The following SEC24B variants were observed in gnomAD, a reference collection of about 807,000 sequenced individuals.
The protein encoded by SEC24B is SEC24 homolog B, COPII component.
A neutral mutation model predicts 142.8 loss-of-function variants in SEC24B; 45 were observed. The ratio of observed to expected loss-of-function variants is 0.32; its 90% CI spans 0.25 to 0.40. The LOEUF is 0.40. Among genes scored for constraint, SEC24B ranks in the 10% least tolerant of loss-of-function variants. The pLI, the probability that SEC24B is intolerant of heterozygous loss-of-function variation, is 1.00. For missense variants in SEC24B, 1,409 were observed against 1,526.8 expected (o/e 0.92, Z 1.29); for synonymous variants, 574 against 568.2 (o/e 1.01, Z -0.15).
chr4:109,530,786 C>CT (rs1380666220), intron 19 of SEC24B, among the ~76,000 whole-genome samples: 1 of 150,986 alleles, frequency 6.6e-6, no homozygotes, highest in Non-Finnish European at 1.5e-5. Flanking sequence ...ATCCCAGCTA[C>CT]TCTGGGGGCT....
chr4:109,497,998 T>G (rs568010421), intron 6 of SEC24B, among the ~76,000 whole-genome samples: 1 of 152,228 alleles, frequency 6.6e-6, no homozygotes, highest in Non-Finnish European at 1.5e-5. Context: ...TCCTTTCATT[T>G]TGTGAGGAAA....
chr4:109,458,298 A>G (rs1730909257), intron 1 of SEC24B, among the ~76,000 whole-genome samples: 1 of 152,008 alleles, frequency 6.6e-6, no homozygotes, highest in Admixed American at 6.6e-5. Flanking sequence ...TTTTCCCCCA[A>G]TTTTTGGAAT....
intron 3 of SEC24B, among the ~76,000 whole-genome samples, chr4:109,474,300 G>A (rs1056054489): frequency 1.2e-4 from 19 of 152,236 alleles, no homozygotes; most frequent in African/African-American, 4.3e-4. Context: ...ATAGATCAAA[G>A]CCCTAACTAA....
At chr4:109,451,757 C>T (rs1047308190) in intron 1 of SEC24B, among the ~76,000 whole-genome samples, 2 of 152,084 alleles carry the variant, frequency 1.3e-5, no homozygotes, top group Admixed American at 6.5e-5. Flanking sequence ...CTCTGAAAGT[C>T]GACAGAGCTA....
At chr4:109,460,635 T>G (rs1731154941) in intron 1 of SEC24B, among the ~76,000 whole-genome samples, 2 of 151,832 alleles carry the variant, frequency 1.3e-5, no homozygotes, top group Non-Finnish European at 2.9e-5. Context: ...TGTAACTGTG[T>G]TAAACATCTT....
chr4:109,466,514 C>T (rs1375845375), intron 2 of SEC24B, among the ~76,000 whole-genome samples: 1 of 152,148 alleles, frequency 6.6e-6, no homozygotes, highest in Non-Finnish European at 1.5e-5. Context: ...AGGTTCATGC[C>T]GTTCTCCTGC....
At chr4:109,458,321 C>A (rs554179655) in intron 1 of SEC24B, among the ~76,000 whole-genome samples, 69 of 152,198 alleles carry the variant, frequency 4.5e-4, no homozygotes, top group African/African-American at 1.6e-3. Context: ...ATTTTCTTTT[C>A]ATTTTTGGAA....
At chr4:109,443,175 T>G (rs995649633) in intron 1 of SEC24B, among the ~76,000 whole-genome samples, 8 of 152,244 alleles carry the variant, frequency 5.3e-5, no homozygotes, top group African/African-American at 1.7e-4. Flanking sequence ...ACTAAGAAAT[T>G]GAAAGCAATC....
chr4:109,500,919 A>T (rs543850060), intron 6 of SEC24B, among the ~76,000 whole-genome samples: 99 of 152,258 alleles, frequency 6.5e-4, no homozygotes, highest in African/African-American at 2.3e-3. Context: ...TAGGTCTCCC[A>T]AAGTGCTGGG....
intron 9 of SEC24B, 111 bp from the exon 10 acceptor site, chr4:109,513,636 T>A: frequency 1.5e-6 from 1 of 668,228 alleles, no homozygotes; most frequent in South Asian, 1.8e-5. Flanking sequence ...TTCGCAGAAC[T>A]GTTGCTAAAC....
intron 18 of SEC24B, among the ~76,000 whole-genome samples, chr4:109,528,287 G>A (rs1180662152): frequency 3.9e-5 from 6 of 152,030 alleles, no homozygotes; most frequent in African/African-American, 9.7e-5. Context: ...TTAGCTGGGC[G>A]TGGTGCTGCA....
At chr4:109,480,885 C>T (rs1238013541) in intron 3 of SEC24B, among the ~76,000 whole-genome samples, 1 of 152,176 alleles carries the variant, frequency 6.6e-6, no homozygotes, top group Non-Finnish European at 1.5e-5. Flanking sequence ...TACCCAATTA[C>T]ATTTTTTTAA....
chr4:109,492,152 TAA>T (rs373315850), intron 5 of SEC24B, among the ~76,000 whole-genome samples: 8 of 142,230 alleles, frequency 5.6e-5, no homozygotes, highest in African/African-American at 5.1e-5. Context: ...GTTCTATACT[TAA>T]AAAAAAAAAA....
rs1726048081 is a variant in SEC24B, at chr4:109,540,312, T to C, written c.*637T>C. The stretch of plus-strand genomic sequence containing the variant: ...GCTGCATTGTTGGATGACAACTCTT[T>C]TTGTCACAGTTAGAGAATGAGGTTG... On this transcript the variant is annotated 3_prime_UTR_variant, in exon 24 of 24. Transcript: ENST00000265175. 1 of 152,630 alleles carries C rather than the reference T, an allele frequency of 6.6e-6. No homozygotes were observed. The highest frequency in any genetic ancestry group is 1.5e-5 in the Non-Finnish European group (1 of 68,052). The allele number at this position is 152,630 out of a possible 1,614,324, so 9.5% of individuals were successfully genotyped here.
intron 1 of SEC24B, among the ~76,000 whole-genome samples, chr4:109,448,296 G>A (rs1364161560): frequency 6.6e-6 from 1 of 151,988 alleles, no homozygotes; most frequent in Non-Finnish European, 1.5e-5. Flanking sequence ...ATCAAACCAG[G>A]GAGTAACAAT....
intron 11 of SEC24B, 88 bp from the exon 12 acceptor site, chr4:109,520,278 C>T: frequency 1.2e-6 from 1 of 816,622 alleles, no homozygotes. Flanking sequence ...TGTAATTATC[C>T]TTGGACTTAA....
At chr4:109,532,881 A>G in intron 21 of SEC24B, 138 bp downstream of exon 21, 1 of 564,806 alleles carries the variant, frequency 1.8e-6, no homozygotes, top group East Asian at 2.8e-5. Context: ...GGTAACTAGC[A>G]CTGGAGGTCA....
At chr4:109,533,509 A>G in intron 21 of SEC24B, 84 bp from the exon 22 acceptor site, 1 of 844,470 alleles carries the variant, frequency 1.2e-6, no homozygotes, top group Non-Finnish European at 2.0e-6. Context: ...TTTCTACCTT[A>G]TTTGAGGTGA....
chr4:109,438,048 A>G (rs376006920), intron 1 of SEC24B, among the ~76,000 whole-genome samples: 1 of 152,368 alleles, frequency 6.6e-6, no homozygotes, highest in East Asian at 1.9e-4. Flanking sequence ...TTTTAAGCAC[A>G]GTTTGAAAAA....
Sources: allele counts gnomAD v4.1 joint callset (sites outside exome capture counted in the v4.1 genomes callset), GRCh38; gene constraint gnomAD v4.1.1; transcripts MANE v1.5; gene names NCBI Gene and HGNC (gene_info 2026-07-23, HGNC 2026-07-21).